PLA2G15: variants seen among roughly 807,000 people sequenced by gnomAD.
PLA2G15 encodes lysosomal phospholipase A and acyltransferase.
PLA2G15 carries 20 observed loss-of-function variants against 40.9 expected under a neutral mutation model. The observed-to-expected ratio is 0.49, with a 90% CI of 0.34 to 0.71. PLA2G15 has a LOEUF of 0.71. Ranked by LOEUF, PLA2G15 falls within the 30% of genes least tolerant of loss-of-function variation. PLA2G15 has a pLI of 0.01. For missense variants in PLA2G15, 471 were observed against 541.9 expected (o/e 0.87, Z 1.30); for synonymous variants, 223 against 228.2 (o/e 0.98, Z 0.21).
intron 2 of PLA2G15, chr16:68,253,397 A>G (rs1347582590): frequency 9.2e-6 from 4 of 435,428 alleles, no homozygotes; most frequent in Non-Finnish European, 1.4e-5. Flanking sequence ...TTTTTTTGAG[A>G]CAGAGTTTCG....
intron 2 of PLA2G15, chr16:68,250,250 G>T (rs1272558329): frequency 7.2e-5 from 25 of 348,976 alleles, no homozygotes; most frequent in South Asian, 4.9e-4. Context: ...GCGCGATCTC[G>T]GCTCACAACT....
chr16:68,250,460 A>T, intron 2 of PLA2G15: 1 of 225,844 alleles, frequency 4.4e-6, no homozygotes, highest in Non-Finnish European at 9.0e-6. Context: ...TTTAGTAGAG[A>T]CAGGGTTTCA....
At chr16:68,250,084 T>G (rs2042341031) in intron 2 of PLA2G15, among the ~76,000 whole-genome samples, 1 of 151,794 alleles carries the variant, frequency 6.6e-6, no homozygotes, top group Admixed American at 6.6e-5. Context: ...CTGCTTATTC[T>G]TCTTGGGACA....
In PLA2G15 at chr16:68,254,959, G is replaced by A. The variant is rs2042388227; in HGVS notation, c.325G>A (p.Asp109Asn). 1.2e-6 allele frequency: 2 copies of A among 1,613,920 alleles called. No homozygotes were observed. Among genetic ancestry groups the A allele is most frequent in the African/African-American group, 1.3e-5 (1 of 74,942 alleles). ...NKTSRATQFP[D>N]GVDVRVPGFG... ...AACATCCAGGGCCACCCAGTTTCCT[G>A]ATGGTGTGGATGTACGTGTCCCTGG... Residue 109 changes from aspartate to asparagine, a missense_variant, in exon 3 of 6, where the codon GAT becomes AAT. Coordinates refer to ENST00000219345, the MANE Select transcript of PLA2G15 (RefSeq NM_012320.4).
At chr16:68,258,256 G>A (rs949363418) in intron 5 of PLA2G15, among the ~76,000 whole-genome samples, 3 of 152,240 alleles carry the variant, frequency 2.0e-5, no homozygotes, top group Non-Finnish European at 4.4e-5. Flanking sequence ...GCAAGTGGGT[G>A]GAATGAGGCC....
At chr16:68,246,090 G>A (rs574271242) in intron 1 of PLA2G15, among the ~76,000 whole-genome samples, 2 of 152,326 alleles carry the variant, frequency 1.3e-5, no homozygotes, top group South Asian at 4.1e-4. Flanking sequence ...ATTGCCTGAG[G>A]GAAAAGGCCT....
intron 2 of PLA2G15, among the ~76,000 whole-genome samples, chr16:68,250,894 G>A (rs1031555250): frequency 6.6e-6 from 1 of 152,062 alleles, no homozygotes; most frequent in African/African-American, 2.4e-5. Context: ...ACCTGACCCT[G>A]GTCCCTTTGT....
chr16:68,253,415 T>C (rs767147680), intron 2 of PLA2G15: 15 of 437,778 alleles, frequency 3.4e-5, no homozygotes, highest in South Asian at 2.5e-4. Flanking sequence ...TCGCTCTTAT[T>C]GCCCAGGCTG....
At position 68,245,454 on chromosome 16, in the gene PLA2G15, G is replaced by A; in HGVS notation, c.28G>A (p.Val10Met). 3 of 1,605,986 alleles carry A rather than the reference G, an allele frequency of 1.9e-6. No individual in the cohort carries two copies. Among genetic ancestry groups the A allele is most frequent in the East Asian group, 2.2e-5 (1 of 44,848 alleles). MGLHLRPYR[V>M]GLLPDGLLFL... ...GGGCCTCCACCTCCGCCCCTACCGT[G>A]TGGGGCTGCTCCCGGATGGCCTCCT... Residue 10 changes from valine (V) to methionine (M), a missense_variant, in exon 1 of 6, where the codon GTG becomes ATG. Physicochemically the swap from Val to Met is conservative, Grantham distance 21. Transcript: ENST00000219345.
At position 68,255,727 on chromosome 16, in the gene PLA2G15, AC is replaced by A. The variant is rs1355363448; in HGVS notation, c.503-36del. On this transcript the variant is annotated intron_variant, in intron 4 of 5. Coordinates refer to ENST00000219345, the MANE Select transcript of PLA2G15 (RefSeq NM_012320.4). The surrounding 1 kb of genome is among the most constrained non-coding windows in gnomAD (Gnocchi z 5.9). ...AAAGCTCAGTGGTTCCGGCTCCAGGACCCTTCCCACCTGACCCCTGCCTGGC... is the reference window on the plus strand; with the variant it reads ...AAAGCTCAGTGGTTCCGGCTCCAGGACCTTCCCACCTGACCCCTGCCTGGC... 2 of 1,551,192 alleles carry A rather than the reference AC, an allele frequency of 1.3e-6. No homozygotes were observed. Among genetic ancestry groups the A allele is most frequent in the East Asian group, 4.5e-5 (2 of 44,532 alleles).
chr16:68,249,436 G>T lies in PLA2G15; in HGVS notation c.274G>T (p.Asp92Tyr). 1.2e-6 allele frequency: 2 copies of T among 1,614,080 alleles called. No individual in the cohort carries two copies. The highest frequency in any genetic ancestry group is 2.2e-5 in the South Asian group (2 of 91,068). Residue 92 changes from aspartate to tyrosine, a missense_variant, in exon 2 of 6, where the codon GAC becomes TAC. Asp to Tyr is a radical substitution (Grantham distance 160). Transcript: ENST00000219345. ...GCCTGTCATCATTGACTGCTGGATT[G>T]ACAATATCAGGTGGGGGCTGGGGCA... The part of the protein sequence containing the change: ...LLPVIIDCWI[D>Y]NIRLVYNKTS...
In PLA2G15 at chr16:68,255,925, G is replaced by A. The variant is rs374718592; in HGVS notation, c.662G>A (p.Arg221Gln). ...CAGGCCTGGAAGGACAAGTATATCC[G>A]GGCCTTCGTGTCACTGGGTGCGCCC... ...QPQAWKDKYI[R>Q]AFVSLGAPWG... Residue 221 changes from arginine to glutamine, a missense_variant, in exon 5 of 6, where the codon CGG (arginine) becomes CAG (glutamine). Physicochemically the swap from Arg to Gln is conservative, Grantham distance 43. Transcript: ENST00000219345. This position sits in a 1 kb window ranked among gnomAD's most constrained non-coding sequence, Gnocchi z 5.9. The A allele has an allele frequency of 3.1e-5, 50 of 1,612,886 alleles. No individual in the cohort carries two copies. The African/African-American group carries it at 4.8e-4, about 16-fold the overall frequency.
intron 1 of PLA2G15, among the ~76,000 whole-genome samples, chr16:68,245,811 G>A (rs1435547254): frequency 6.6e-6 from 1 of 152,196 alleles, no homozygotes; most frequent in Non-Finnish European, 1.5e-5. Flanking sequence ...AGTTCCACCT[G>A]TCCGCATCAT....
chr16:68,249,142 A>G, intron 1 of PLA2G15, 148 bp from the exon 2 acceptor site: 1 of 652,814 alleles, frequency 1.5e-6, no homozygotes, highest in East Asian at 2.8e-5. Flanking sequence ...TCCTGCCACC[A>G]GCACTGTGCT....
intron 5 of PLA2G15, 125 bp downstream of exon 5, chr16:68,256,115 A>G (rs1397878487): frequency 3.3e-6 from 2 of 615,244 alleles, no homozygotes; most frequent in Non-Finnish European, 2.8e-6. Context: ...GGTCTATGCA[A>G]ATCTACCCCT....
At position 68,259,575 on chromosome 16, in the gene PLA2G15, A is replaced by G. The variant is rs773305708; in HGVS notation, c.1157A>G (p.Glu386Gly). ...SRQEHQVLLQ[E>G]LPGSEHIEML... ...CAGGAGCACCAAGTGTTGCTGCAGG[A>G]GCTGCCAGGCAGCGAGCACATCGAG... Residue 386 changes from glutamate (E) to glycine (G), a missense_variant, in exon 6 of 6, where the codon GAG becomes GGG. Glu to Gly is a moderately conservative substitution (Grantham distance 98, BLOSUM62 -2). Transcript: ENST00000219345. This position sits in a 1 kb window ranked among gnomAD's most constrained non-coding sequence, Gnocchi z 6.5. 6 of 1,613,470 alleles carry G rather than the reference A, an allele frequency of 3.7e-6. No homozygotes were observed. Among genetic ancestry groups the G allele is most frequent in the East Asian group, 2.2e-5 (1 of 44,880 alleles).
chr16:68,246,416 A>G (rs955627828), intron 1 of PLA2G15, among the ~76,000 whole-genome samples: 4 of 152,224 alleles, frequency 2.6e-5, no homozygotes, highest in Admixed American at 2.6e-4. Flanking sequence ...AAGCAGAGGC[A>G]TCTGAGGCAT....
At chr16:68,257,125 G>A (rs1000104782) in intron 5 of PLA2G15, among the ~76,000 whole-genome samples, 6 of 151,896 alleles carry the variant, frequency 4.0e-5, no homozygotes, top group African/African-American at 1.4e-4. Flanking sequence ...AAGTCAGGAG[G>A]ATCTGCCTGC....
At position 68,254,939 on chromosome 16, in the gene PLA2G15, C is replaced by A. The variant is rs777971454; in HGVS notation, c.305C>A (p.Ser102Tyr). Residue 102 changes from serine to tyrosine, a missense_variant, in exon 3 of 6, where the codon TCC (serine) becomes TAC (tyrosine). Transcript: ENST00000219345. ...DNIRLVYNKT[S>Y]RATQFPDGVD... ...AACAGGCTGGTTTACAACAAAACATCCAGGGCCACCCAGTTTCCTGATGGT... is the reference window on the plus strand; with the variant it reads ...AACAGGCTGGTTTACAACAAAACATACAGGGCCACCCAGTTTCCTGATGGT... The A allele has an allele frequency of 5.6e-6, 9 of 1,613,386 alleles. No homozygotes were observed. The highest frequency in any genetic ancestry group is 3.3e-5 in the Admixed American group (2 of 60,006).
Sources: gnomAD v4.1 joint callset for allele counts (sites outside exome capture counted in the v4.1 genomes callset) on GRCh38, gnomAD v4.1.1 for gene constraint, Gnocchi (gnomAD v3.1) non-coding constraint, MANE v1.5 for transcripts, NCBI Gene and HGNC (gene_info 2026-07-23, HGNC 2026-07-21) for gene names.